Variants in NEAT1 observed in about 807,000 individuals in gnomAD.
The protein encoded by NEAT1 is MENepsilon/beta.
At chr11:65,444,414 A>C (rs770386791) in exon 1 of NEAT1, 2 of 470,532 alleles carry the variant, frequency 4.3e-6, no homozygotes, top group Non-Finnish European at 8.8e-6. Context: ...CTGGCCTGAC[A>C]TGTGTGTCCC....
exon 1 of NEAT1, chr11:65,441,205 G>C (rs1456215098): frequency 3.3e-5 from 5 of 152,238 alleles, no homozygotes; most frequent in African/African-American, 1.2e-4. Context: ...GTCCCTTTAT[G>C]ATGGGAAATA....
At chr11:65,444,713 CT>C (rs1178398686) in exon 1 of NEAT1, 23 of 337,160 alleles carry the variant, frequency 6.8e-5, no homozygotes, top group Non-Finnish European at 1.2e-5. Flanking sequence ...CTTTGTGTAC[CT>C]TTGGGTCCTG....
rs758928661 is a variant in NEAT1 at position 65,430,789 on chromosome 11, C to CT, written n.7993dup. 3.3e-5 allele frequency: 5 copies of CT among 152,272 alleles called. No homozygotes were observed. The South Asian group carries it at 1.0e-3, about 32-fold the overall frequency. 9.4% of individuals were successfully genotyped at this position (152,272 alleles called of 1,614,324 possible). A position where few individuals can be genotyped will look rare whatever the true frequency, so the allele number is the denominator to read the frequency against. Reference sequence around the variant, plus strand: ...CACAGACTCAAATGACTCCAGAAAGCTACACTTCCTGTTGTGAGTATATGA... The same window carrying CT: ...CACAGACTCAAATGACTCCAGAAAGCTTACACTTCCTGTTGTGAGTATATGA... On this transcript the variant is annotated non_coding_transcript_exon_variant, in exon 1 of 1. Coordinates refer to ENST00000501122, the Ensembl canonical transcript of NEAT1.
chr11:65,438,570 A>G (rs1856686646), exon 1 of NEAT1: 1 of 152,170 alleles, frequency 6.6e-6, no homozygotes, highest in Non-Finnish European at 1.5e-5. Context: ...CCTTTGTTAT[A>G]CTGGTAAACT....
At position 65,431,765 on chromosome 11, in the gene NEAT1, G is replaced by A. The variant is rs1020490654; in HGVS notation, n.8968G>A. 5 of 152,162 alleles carry A rather than the reference G, an allele frequency of 3.3e-5. No homozygotes were observed. The East Asian group carries it at 9.6e-4, about 29-fold the overall frequency. 9.4% of individuals were successfully genotyped at this position (152,162 alleles called of 1,614,324 possible). ...CTATTTTAAAAATTGGGTTATTAGA[G>A]TTATCGTTGTTGTTGACTTGTAGGA... On this transcript the variant is annotated non_coding_transcript_exon_variant, in exon 1 of 1. Coordinates refer to ENST00000501122, the Ensembl canonical transcript of NEAT1.
At chr11:65,440,927 G>A (rs547907826) in exon 1 of NEAT1, 1 of 151,584 alleles carries the variant, frequency 6.6e-6, no homozygotes. Context: ...CATCAGGCAG[G>A]TTTTGGGTAG....
chr11:65,433,321 C>A (rs1455659193), exon 1 of NEAT1: 2 of 152,134 alleles, frequency 1.3e-5, no homozygotes, highest in Non-Finnish European at 2.9e-5. Flanking sequence ...ATGTAATGAT[C>A]ATCACTTTTC....
chr11:65,429,541 A>G (rs1856596090), exon 1 of NEAT1: 1 of 150,256 alleles, frequency 6.7e-6, no homozygotes, highest in Non-Finnish European at 1.5e-5. Context: ...ATTCCTAGTC[A>G]TTTTTCTATT....
exon 1 of NEAT1, chr11:65,443,346 A>G (rs1265852343): frequency 1.3e-5 from 2 of 152,234 alleles, no homozygotes; most frequent in Admixed American, 6.5e-5. Context: ...AAAGGTGTGC[A>G]CACATGTGCA....
chr11:65,423,283 CT>C (rs1856519426), exon 1 of NEAT1: 1 of 152,548 alleles, frequency 6.6e-6, no homozygotes, highest in Non-Finnish European at 1.5e-5. Context: ...CCAGCAGCCC[CT>C]TTTTTTCCAG....
At chr11:65,424,045 C>G (rs1025380760) in exon 1 of NEAT1, 1 of 152,414 alleles carries the variant, frequency 6.6e-6, no homozygotes. Context: ...AGGGGAGACC[C>G]TGGAGGAGAG....
exon 1 of NEAT1, chr11:65,432,339 C>T: frequency 6.6e-6 from 1 of 152,106 alleles, no homozygotes; most frequent in East Asian, 1.9e-4. Flanking sequence ...CCACATTTGC[C>T]ACTTATGATT....
exon 1 of NEAT1, chr11:65,426,330 A>G (rs1489186240): frequency 7.2e-5 from 11 of 152,180 alleles, no homozygotes; most frequent in Non-Finnish European, 1.6e-4. Flanking sequence ...GTTGGGATTT[A>G]GAGTGTATTA....
chr11:65,444,298 TGTGTGTGTGTGTGTGTGTGTGTGTAA>T, exon 1 of NEAT1: 4 of 372,312 alleles, frequency 1.1e-5, no homozygotes, highest in Middle Eastern at 5.8e-4. Flanking sequence ...TGTGTGTGTG[TGTGTGTGTGTGTGTGTGTGTGTGTAA>T]AAGAGAGAAG....
exon 1 of NEAT1, chr11:65,437,204 T>TATATATGTATATATATATATATAC (rs1856666691): frequency 1.4e-5 from 2 of 140,966 alleles, no homozygotes; most frequent in African/African-American, 5.7e-5. Context: ...TGTATATATA[T>TATATATGTATATATATATATATAC]ATATATGTAT....
rs367873550 is a variant in NEAT1 at position 65,444,020 on chromosome 11, G to A, written n.21223G>A. The A allele has an allele frequency of 7.2e-5, 13 of 179,642 alleles. 1 individual carries two copies. In the South Asian group the frequency reaches 1.0e-3, roughly 14 times the overall value. The allele number at this position is 179,642 out of a possible 1,614,324, so 11.1% of individuals were successfully genotyped here. A position where few individuals can be genotyped will look rare whatever the true frequency, so the allele number is the denominator to read the frequency against. On this transcript the variant is annotated non_coding_transcript_exon_variant, in exon 1 of 1. Coordinates refer to ENST00000501122, the Ensembl canonical transcript of NEAT1. Reference sequence around the variant, plus strand: ...GCTTTGTTGCTTCATCGGCAGGTTGGGACTTAGATGGCCGTGAATGTTTCC... The same window carrying A: ...GCTTTGTTGCTTCATCGGCAGGTTGAGACTTAGATGGCCGTGAATGTTTCC...
chr11:65,442,680 T>G (rs145940948), exon 1 of NEAT1: 6,152 of 152,200 alleles, frequency 0.04, 395 homozygotes, highest in African/African-American at 0.14. Flanking sequence ...AGGAGTTCAA[T>G]ACCAGCCTGG....
exon 1 of NEAT1, chr11:65,442,539 T>G (rs1014325051): frequency 6.6e-6 from 1 of 152,212 alleles, no homozygotes; most frequent in Non-Finnish European, 1.5e-5. Flanking sequence ...CCATGAGGAT[T>G]CAGGACGTGA....
chr11:65,432,479 G>T (rs1856621468), exon 1 of NEAT1: 1 of 151,968 alleles, frequency 6.6e-6, no homozygotes, highest in Admixed American at 6.6e-5. Context: ...CATTGAATTT[G>T]CTTCTGATTA....
Sources: allele counts gnomAD v4.1 joint callset, GRCh38; gene constraint gnomAD v4.1.1; transcripts MANE v1.5; gene names NCBI Gene and HGNC (gene_info 2026-07-23, HGNC 2026-07-21).